The following RGS3 variants were observed in gnomAD, a reference collection of about 807,000 sequenced individuals.
RGS3 encodes regulator of G-protein signalling 3.
RGS3 carries 80 observed loss-of-function variants against 132.6 expected under a neutral mutation model. That is an observed-to-expected ratio of 0.60 (90% CI 0.50 to 0.73). The LOEUF (loss-of-function observed/expected upper bound fraction) is 0.73. Among genes scored for constraint, RGS3 ranks in the 30% least tolerant of loss-of-function variants. RGS3 has a pLI of 0.00. For synonymous variants in RGS3, 598 were observed against 620.6 expected, an observed-to-expected ratio of 0.96 and a Z score of 0.54; for missense variants, 1,382 against 1,530.8, an observed-to-expected ratio of 0.90 and a Z score of 1.62.
Position 113,506,585 on chromosome 9 carries a change from C to A in RGS3, c.1085+92C>A. On this transcript the variant is annotated intron_variant, in intron 12 of 24. Transcript: ENST00000350696. This position sits in a 1 kb window ranked among gnomAD's most constrained non-coding sequence, Gnocchi z 4.7. Reference sequence around the variant, plus strand: ...ACTGCCTTGCCTGGCCCAGCTCTTGCTGCTCCCTCTTTTGCCTAGCTGTGA... The same window carrying A: ...ACTGCCTTGCCTGGCCCAGCTCTTGATGCTCCCTCTTTTGCCTAGCTGTGA... The A allele has an allele frequency of 1.3e-6, 1 of 793,556 alleles. No homozygotes were observed. Among genetic ancestry groups the A allele is most frequent in the Non-Finnish European group, 2.1e-6 (1 of 474,590 alleles). 49.2% of individuals were successfully genotyped at this position (793,556 alleles called of 1,614,324 possible).
chr9:113,466,880 T>C (rs1247354510), intron 3 of RGS3, among the ~76,000 whole-genome samples: 1 of 152,168 alleles, frequency 6.6e-6, no homozygotes, highest in Admixed American at 6.5e-5. Flanking sequence ...GCTTGTACCG[T>C]CCTCCCTTGT....
At chr9:113,542,772 C>T (rs1189197215) in intron 19 of RGS3, among the ~76,000 whole-genome samples, 1 of 152,216 alleles carries the variant, frequency 6.6e-6, no homozygotes, top group Non-Finnish European at 1.5e-5. Context: ...CACTGCTGCC[C>T]AGGCCTTAGC....
Position 113,486,395 on chromosome 9 carries a change from A to T in RGS3, c.689+702A>T, listed in dbSNP as rs142413355. Among the ~76,000 whole-genome samples, 159 of 152,366 alleles carry T rather than the reference A, an allele frequency of 1.0e-3. 2 individuals are homozygous for T. Among genetic ancestry groups the T allele is most frequent in the East Asian group, 3.3e-3 (17 of 5,190 alleles). ...TAAGGCTGCCATGATGAGGCCAGGT[A>T]AGGGAGTATAGAAGTTTTGTGTAGG... On this transcript the variant is annotated intron_variant, in intron 7 of 24. Transcript: ENST00000350696.
At chr9:113,502,023 T>A (rs1164765220) in intron 10 of RGS3, among the ~76,000 whole-genome samples, 1 of 152,242 alleles carries the variant, frequency 6.6e-6, no homozygotes, top group Non-Finnish European at 1.5e-5. Context: ...TGTGCGTGTA[T>A]GTTGGCACGT....
rs1831209362 is a variant in RGS3, at chr9:113,507,870, G to A, written c.1437+232G>A. On this transcript the variant is annotated intron_variant, in intron 13 of 24. Transcript: ENST00000350696. The surrounding 1 kb of genome is among the most constrained non-coding windows in gnomAD (Gnocchi z 5.0). ...TCAAGACCAGGGCATGCACAGGCTG[G>A]AAGATTTCAACTCACAGAAGGAAGA... 6.6e-6 allele frequency among the ~76,000 whole-genome samples: 1 copy of A among 152,210 alleles called. No homozygotes were observed.
intron 1 of RGS3, among the ~76,000 whole-genome samples, chr9:113,453,788 A>G (rs187048951): frequency 6.8e-6 from 1 of 146,510 alleles, no homozygotes; most frequent in South Asian, 2.1e-4. Flanking sequence ...TACTCATTAT[A>G]TGATTATATA....
intron 7 of RGS3, among the ~76,000 whole-genome samples, chr9:113,493,139 C>A (rs1251227747): frequency 2.6e-5 from 4 of 152,172 alleles, no homozygotes; most frequent in Non-Finnish European, 5.9e-5. Flanking sequence ...AAAGTCTTGC[C>A]AAGGCTTTTC....
chr9:113,517,437 T>C lies in RGS3; in HGVS notation c.1675-104T>C. On this transcript the variant is annotated intron_variant, in intron 15 of 24. Transcript: ENST00000350696. ...TGGCGGGCTGACAGTCTTCTCTGGG[T>C]CAGAGGGTTCTCTGTGGCTGGCTTT... 3 of 891,386 alleles carry C rather than the reference T, an allele frequency of 3.4e-6. No homozygotes were observed. In the South Asian group the frequency reaches 4.0e-5, roughly 12 times the overall value. 55.2% of individuals were successfully genotyped at this position (891,386 alleles called of 1,614,324 possible).
Position 113,509,310 on chromosome 9 carries a change from C to T in RGS3, c.1477+730C>T, listed in dbSNP as rs560864759. Among the ~76,000 whole-genome samples the T allele has an allele frequency of 9.9e-5, 15 of 151,874 alleles. No homozygotes were observed. The South Asian group carries it at 1.9e-3, about 19-fold the overall frequency. On this transcript the variant is annotated intron_variant, in intron 14 of 24. Transcript: ENST00000350696. The stretch of plus-strand genomic sequence containing the variant: ...AAAAAAAAAAAAAATCCTGTCCCCT[C>T]GCTGAGCCTCAGTTTCTTCATTTAT...
At chr9:113,480,737 T>C (rs1051293057) in intron 4 of RGS3, among the ~76,000 whole-genome samples, 1 of 152,190 alleles carries the variant, frequency 6.6e-6, no homozygotes, top group Non-Finnish European at 1.5e-5. Context: ...GAGAGCAGGA[T>C]GCATTTGAAG....
At chr9:113,450,884 A>G (rs1015470513) in intron 1 of RGS3, among the ~76,000 whole-genome samples, 2 of 152,134 alleles carry the variant, frequency 1.3e-5, no homozygotes, top group South Asian at 2.1e-4. Context: ...TGAGGGCAAA[A>G]TAAGGGGTCC....
intron 19 of RGS3, 94 bp from the exon 18 acceptor site, chr9:113,583,356 G>A (rs904836244): frequency 1.3e-6 from 2 of 1,505,454 alleles, no homozygotes; most frequent in African/African-American, 1.4e-5. Context: ...CCGGGGTTCA[G>A]GCCACTGCCT....
At chr9:113,505,077 A>C in intron 10 of RGS3, 1 of 230,954 alleles carries the variant, frequency 4.3e-6, no homozygotes. Flanking sequence ...GGAGCCAGGA[A>C]AACAGTGGAT....
In RGS3 at chr9:113,579,525, G is replaced by A. The variant is rs1201700821; in HGVS notation, c.2038-3925G>A. Among the ~76,000 whole-genome samples the A allele has an allele frequency of 6.6e-6, 1 of 152,212 alleles. No individual in the cohort carries two copies. The highest frequency in any genetic ancestry group is 1.5e-5 in the Non-Finnish European group (1 of 68,040). ...GGAAAGACACAGACCCCCACCTTGG[G>A]AGGGTGGGGCAGTGGCTTCCAGCAC... On this transcript the variant is annotated intron_variant, in intron 19 of 24. Transcript: ENST00000350696. This position sits in a 1 kb window ranked among gnomAD's most constrained non-coding sequence, Gnocchi z 4.3.
intron 21 of RGS3, 169 bp from the exon 20 acceptor site, chr9:113,594,261 G>C (rs1377214528): frequency 6.2e-7 from 1 of 1,608,996 alleles, no homozygotes; most frequent in Non-Finnish European, 8.5e-7. Context: ...GCCCCAAGGT[G>C]GGGGGCCCTA....
chr9:113,594,947 G>A (rs1221156223), exon 23 of RGS3: 14 of 1,613,988 alleles, frequency 8.7e-6, no homozygotes, highest in Non-Finnish European at 1.1e-5. Context: ...CCTCAAGTGG[G>A]GCGAGTCCTT....
intron 19 of RGS3, chr9:113,580,880 C>T: frequency 1.0e-6 from 1 of 985,682 alleles, no homozygotes; most frequent in South Asian, 4.7e-5. Context: ...GGGCCCCACC[C>T]TCACCACCCA....
In RGS3 at chr9:113,579,356, T is replaced by C. The variant is rs1834682041; in HGVS notation, c.2038-4094T>C. 6.6e-6 allele frequency among the ~76,000 whole-genome samples: 1 copy of C among 152,210 alleles called. No homozygotes were observed. Among genetic ancestry groups the C allele is most frequent in the African/African-American group, 2.4e-5 (1 of 41,438 alleles). ...CATCCCTCCTTAGCCTATTCTGAGC[T>C]CTGGATTGGATTTGGGAGAGGATTT... On this transcript the variant is annotated intron_variant, in intron 19 of 24. Transcript: ENST00000350696. This position sits in a 1 kb window ranked among gnomAD's most constrained non-coding sequence, Gnocchi z 4.3.
rs563054668 is a variant in RGS3 at position 113,507,661 on chromosome 9, A to C, written c.1437+23A>C. 1 of 1,444,302 alleles carries C rather than the reference A, an allele frequency of 6.9e-7. No homozygotes were observed. The highest frequency in any genetic ancestry group is 1.4e-5 in the African/African-American group (1 of 69,870). The allele number at this position is 1,444,302 out of a possible 1,614,324, so 89.5% of individuals were successfully genotyped here. On this transcript the variant is annotated intron_variant, in intron 13 of 24. Coordinates refer to ENST00000350696, the Ensembl canonical transcript of RGS3. This position sits in a 1 kb window ranked among gnomAD's most constrained non-coding sequence, Gnocchi z 5.0. ...CAGGTACGGACAGCTGGTGTGGGGA[A>C]GGTGAAGGGTACTGGGTCCCTGTGG... is the stretch of plus-strand genomic sequence containing the variant.
Sources: allele counts gnomAD v4.1 joint callset (sites outside exome capture counted in the v4.1 genomes callset), GRCh38; gene constraint gnomAD v4.1.1; non-coding constraint Gnocchi (gnomAD v3.1); transcripts MANE v1.5; gene names NCBI Gene and HGNC (gene_info 2026-07-23, HGNC 2026-07-21).